VPS52: variants seen among roughly 807,000 people sequenced by gnomAD.
VPS52 encodes the protein vacuolar protein sorting-associated protein 52 homolog.
Under a neutral mutation model 98.7 loss-of-function variants are expected in VPS52, and 56 were observed. The observed-to-expected ratio is 0.57, with a 90% CI of 0.46 to 0.71. The LOEUF is 0.71. Ranked by LOEUF, VPS52 falls within the 30% of genes least tolerant of loss-of-function variation. VPS52 has a pLI of 0.00. For synonymous variants in VPS52, 348 were observed against 346.4 expected, an observed-to-expected ratio of 1.00 and a Z score of -0.05; for missense variants, 742 against 925.9, an observed-to-expected ratio of 0.80 and a Z score of 2.58.
chr6:33,269,183 C>G lies in VPS52; in HGVS notation c.379G>C (p.Glu127Gln). ...TACDAVLERMEQMLGAFQSDL... is the reference protein window; with the variant it reads ...TACDAVLERMQQMLGAFQSDL... ...CTCTGAAAAGCTCCCAACATCTGCTCCATTCGCTGTAGGGAGGGTAGATGT... is the reference window on the plus strand; with the variant it reads ...CTCTGAAAAGCTCCCAACATCTGCTGCATTCGCTGTAGGGAGGGTAGATGT... The change falls in exon 6 of 20, where the codon GAG becomes CAG. Residue 127 changes from glutamate to glutamine, a missense_variant. Transcript: ENST00000445902. The G allele has an allele frequency of 6.2e-7, 1 of 1,613,054 alleles. No homozygotes were observed. Among genetic ancestry groups the G allele is most frequent in the Non-Finnish European group, 8.5e-7 (1 of 1,180,022 alleles).
intron 4 of VPS52, 58 bp from the exon 5 acceptor site, chr6:33,269,615 A>T: frequency 6.3e-7 from 1 of 1,584,808 alleles, no homozygotes; most frequent in Non-Finnish European, 8.6e-7. Flanking sequence ...TCAGATTTGT[A>T]GTACCTCTCC....
intron 17 of VPS52, among the ~76,000 whole-genome samples, chr6:33,252,266 G>A (rs915555541): frequency 6.6e-6 from 1 of 152,202 alleles, no homozygotes; most frequent in African/African-American, 2.4e-5. Context: ...ATCCGATACG[G>A]ATAGCAGTTG....
At chr6:33,251,011 G>GA (rs1762166126) in intron 19 of VPS52, 24 bp from the exon 20 acceptor site, 7 of 1,612,922 alleles carry the variant, frequency 4.3e-6, no homozygotes, top group Non-Finnish European at 5.9e-6. Context: ...GTCATTGAGG[G>GA]ATCAAACCGT....
rs1762303431 is a variant in VPS52, at chr6:33,251,939, A to G, written c.1827T>C (p.Phe609=). The part of the protein sequence containing the change: ...EFIEELLSPP[F]GGLVAFVKEA... ...CCTTCACAAATGCCACTAAACCCCC[A>G]AAAGGGGGAGACAGCAACTCTTCAA... Residue 609 remains phenylalanine, a synonymous_variant, in exon 18 of 20, where the codon TTT becomes TTC. Coordinates refer to ENST00000445902, the MANE Select transcript of VPS52 (RefSeq NM_022553.6). 6.2e-7 allele frequency: 1 copy of G among 1,613,176 alleles called. No individual in the cohort carries two copies. Among genetic ancestry groups the G allele is most frequent in the East Asian group, 2.2e-5 (1 of 44,876 alleles).
intron 17 of VPS52, among the ~76,000 whole-genome samples, chr6:33,263,280 A>C (rs1763850266): frequency 6.6e-6 from 1 of 150,832 alleles, no homozygotes; most frequent in Non-Finnish European, 1.5e-5. Context: ...AAAAAAAAAA[A>C]AAAACCAAAG....
chr6:33,255,568 C>A (rs1202722223), intron 17 of VPS52, among the ~76,000 whole-genome samples: 11 of 147,472 alleles, frequency 7.5e-5, no homozygotes, highest in African/African-American at 2.8e-4. Context: ...GGGCAGATGA[C>A]GAGGTCAGAT....
rs1407558033 is a variant in VPS52, at chr6:33,264,835, A to G, written c.1347T>C (p.Ile449=). 1.2e-6 allele frequency: 2 copies of G among 1,613,026 alleles called. No individual in the cohort carries two copies. Among genetic ancestry groups the G allele is most frequent in the Non-Finnish European group, 1.7e-6 (2 of 1,180,046 alleles). Residue 449 remains isoleucine (I), a synonymous_variant, in exon 13 of 20, where the codon ATT becomes ATC. Transcript: ENST00000445902. ...DAIAVFLCIH[I]VLRFRNIAAK... ...CTGCAATGTTACGGAACCGGAGAAC[A>G]ATGTGGATACAGAGAAAAACAGCAA...
chr6:33,269,223 A>T (rs540410872), intron 5 of VPS52, 34 bp from the exon 6 acceptor site: 1 of 1,608,168 alleles, frequency 6.2e-7, no homozygotes, highest in African/African-American at 1.3e-5. Context: ...GGAGTGCTAT[A>T]GGGTTTGTAG....
chr6:33,258,583 CTT>C (rs1245639771), intron 17 of VPS52, among the ~76,000 whole-genome samples: 1 of 151,886 alleles, frequency 6.6e-6, no homozygotes, highest in East Asian at 1.9e-4. Context: ...TACTAGCAGA[CTT>C]ATTTTTTTCT....
intron 12 of VPS52, 109 bp downstream of exon 12, chr6:33,266,448 T>C (rs1475572494): frequency 2.7e-5 from 38 of 1,386,028 alleles, no homozygotes; most frequent in Non-Finnish European, 3.7e-5. Flanking sequence ...TTAGACATTT[T>C]AGAATGAGGC....
chr6:33,270,938 A>G (rs984136641), intron 1 of VPS52, among the ~76,000 whole-genome samples: 1 of 144,146 alleles, frequency 6.9e-6, no homozygotes, highest in African/African-American at 2.7e-5. Context: ...GCGACAGAGC[A>G]AGACTCCGTC....
rs1014945162 is a variant in VPS52 at position 33,264,850 on chromosome 6, A to G, written c.1332T>C (p.Phe444=). The change falls in exon 13 of 20, where the codon TTT becomes TTC. Residue 444 remains phenylalanine (F), a synonymous_variant. Coordinates refer to ENST00000445902, the MANE Select transcript of VPS52 (RefSeq NM_022553.6). ...LADCYDAIAV[F]LCIHIVLRFR... ...ACCGGAGAACAATGTGGATACAGAG[A>G]AAAACAGCAATGGCATCGTAGCAGT... 8.7e-6 allele frequency: 14 copies of G among 1,613,090 alleles called. No individual in the cohort carries two copies. In the South Asian group the frequency reaches 1.5e-4, roughly 18 times the overall value.
rs1283862008 is a variant in VPS52, at chr6:33,263,425, A to AGAGAGAGG, written c.1794+58_1794+59insCCTCTCTC. Reference sequence around the variant, plus strand: ...CACACACACACACACAGAGAGAGAGAGAGAGAGAGCTGAAAACAGCACAGA... The same window carrying AGAGAGAGG: ...CACACACACACACACAGAGAGAGAGAGAGAGAGGGAGAGAGAGCTGAAAACAGCACAGA... On this transcript the variant is annotated intron_variant, in intron 17 of 19. Transcript: ENST00000445902. 4 of 1,590,856 alleles carry AGAGAGAGG rather than the reference A, an allele frequency of 2.5e-6. No homozygotes were observed. In the African/African-American group the frequency reaches 5.4e-5, roughly 21 times the overall value.
At position 33,267,677 on chromosome 6, in the gene VPS52, G is replaced by A; in HGVS notation, c.991+5C>T. The stretch of plus-strand genomic sequence containing the variant: ...TGGCATGAGGGTTCCCCAGTACTAG[G>A]ATATCTTTCTTTGCTGTATCTTCCA... On this transcript the variant is annotated splice_donor_5th_base_variant and intron_variant, in intron 10 of 19. Coordinates refer to ENST00000445902, the MANE Select transcript of VPS52 (RefSeq NM_022553.6). This position sits in a 1 kb window ranked among gnomAD's most constrained non-coding sequence, Gnocchi z 4.2. 6.2e-7 allele frequency: 1 copy of A among 1,612,968 alleles called. No individual in the cohort carries two copies. Among genetic ancestry groups the A allele is most frequent in the Non-Finnish European group, 8.5e-7 (1 of 1,180,006 alleles).
In VPS52 at chr6:33,268,588, C is replaced by T. The variant is rs749352670; in HGVS notation, c.610G>A (p.Ala204Thr). 2 of 1,611,820 alleles carry T rather than the reference C, an allele frequency of 1.2e-6. No individual in the cohort carries two copies. The highest frequency in any genetic ancestry group is 1.3e-5 in the African/African-American group (1 of 75,036). The stretch of plus-strand genomic sequence containing the variant: ...TGCTCTCTGACTGCGGCTGCCTTGG[C>T]ATCCAGCTCCTGTAGCTGCTCCAAG... ...RFLEQLQELDAKAAAVREQEA... is the reference protein window; with the variant it reads ...RFLEQLQELDTKAAAVREQEA... The change falls in exon 7 of 20, where the codon GCC becomes ACC. Residue 204 changes from alanine to threonine, a missense_variant. By Grantham distance (58) the Ala-to-Thr change is moderately conservative (BLOSUM62 0). This residue lies in a region of VPS52 where 590 missense variants were observed against 793.3 expected (regional missense o/e 0.74). Coordinates refer to ENST00000445902, the MANE Select transcript of VPS52 (RefSeq NM_022553.6). This position sits in a 1 kb window ranked among gnomAD's most constrained non-coding sequence, Gnocchi z 4.0.
In VPS52 at chr6:33,268,699, C is replaced by T; in HGVS notation, c.549-50G>A. 1 of 1,550,646 alleles carries T rather than the reference C, an allele frequency of 6.4e-7. No individual in the cohort carries two copies. Among genetic ancestry groups the T allele is most frequent in the Non-Finnish European group, 8.7e-7 (1 of 1,154,124 alleles). ...GAGTTACAAGGGAGACCCAGACATC[C>T]CTAAACCAGACCCAGACCACACTCC... On this transcript the variant is annotated intron_variant, in intron 6 of 19. Transcript: ENST00000445902. The surrounding 1 kb of genome is among the most constrained non-coding windows in gnomAD (Gnocchi z 4.0).
intron 17 of VPS52, among the ~76,000 whole-genome samples, chr6:33,263,045 A>G (rs1280199734): frequency 6.6e-6 from 1 of 152,202 alleles, no homozygotes; most frequent in Non-Finnish European, 1.5e-5. Flanking sequence ...CGGATTGTTT[A>G]TAACACAAAG....
intron 17 of VPS52, among the ~76,000 whole-genome samples, chr6:33,262,630 C>T (rs1257919630): frequency 1.3e-5 from 2 of 152,088 alleles, no homozygotes; most frequent in African/African-American, 4.8e-5. Flanking sequence ...AAGTGTCCAT[C>T]AACAGATGAA....
intron 17 of VPS52, among the ~76,000 whole-genome samples, chr6:33,262,063 A>AAC (rs1763698651): frequency 6.6e-6 from 1 of 150,626 alleles, no homozygotes; most frequent in Non-Finnish European, 1.5e-5. Context: ...AAAAAAAAAA[A>AAC]AAGCTTCTGC....
Sources: gnomAD v4.1 joint callset for allele counts (sites outside exome capture counted in the v4.1 genomes callset) on GRCh38, gnomAD v4.1.1 for gene constraint, gnomAD v4.1.1 regional missense constraint, Gnocchi (gnomAD v3.1) non-coding constraint, MANE v1.5 for transcripts, NCBI Gene and HGNC (gene_info 2026-07-23, HGNC 2026-07-21) for gene names.